Variants in CDC14B observed in about 807,000 individuals in gnomAD.
The protein encoded by CDC14B is cell division cycle 14B, also known as dual specificity protein phosphatase CDC14B.
A neutral mutation model predicts 64.2 loss-of-function variants in CDC14B; 22 were observed. The ratio of observed to expected loss-of-function variants is 0.34; its 90% CI spans 0.24 to 0.49. The LOEUF (loss-of-function observed/expected upper bound fraction) is 0.49. Ranked by LOEUF, CDC14B falls within the 20% of genes least tolerant of loss-of-function variation. The pLI is 0.99. For missense variants in CDC14B, 498 were observed against 629.9 expected, an observed-to-expected ratio of 0.79 and a Z score of 2.24; for synonymous variants, 191 against 215.8, an observed-to-expected ratio of 0.89 and a Z score of 1.01.
At chr9:96,590,567 T>C (rs1052028220) in intron 1 of CDC14B, among the ~76,000 whole-genome samples, 5 of 152,088 alleles carry the variant, frequency 3.3e-5, no homozygotes, top group Non-Finnish European at 5.9e-5. Context: ...CTATTTTCCA[T>C]AGCAACTGCA....
At chr9:96,577,247 T>C (rs1438516652) in intron 1 of CDC14B, among the ~76,000 whole-genome samples, 2 of 129,058 alleles carry the variant, frequency 1.5e-5, no homozygotes, top group Admixed American at 7.4e-5. Flanking sequence ...CGAGACTCCA[T>C]CTCAAAAAAA....
chr9:96,611,140 T>C (rs1227323831), intron 1 of CDC14B, among the ~76,000 whole-genome samples: 5 of 66,594 alleles, frequency 7.5e-5, no homozygotes, highest in Admixed American at 5.0e-4. Context: ...TCATATAAAC[T>C]AGAGAGTCCA....
intron 1 of CDC14B, among the ~76,000 whole-genome samples, chr9:96,580,960 G>A (rs887878510): frequency 7.2e-5 from 11 of 152,092 alleles, no homozygotes; most frequent in South Asian, 2.1e-4. Context: ...AGCTCGGTGC[G>A]GTGGCTCATG....
intron 1 of CDC14B, among the ~76,000 whole-genome samples, chr9:96,575,811 A>T (rs537215882): frequency 6.6e-6 from 1 of 152,280 alleles, no homozygotes; most frequent in East Asian, 1.9e-4. Context: ...AAAGTGAGAT[A>T]CCATCTCTAT....
chr9:96,617,492 T>C lies in CDC14B; in HGVS notation c.160+1727A>G, dbSNP rs145381380. 3.9e-3 allele frequency among the ~76,000 whole-genome samples: 596 copies of C among 152,232 alleles called. 13 individuals carry two copies. The highest frequency in any genetic ancestry group is 1.2e-3 in the East Asian group (6 of 5,174). On this transcript the variant is annotated intron_variant, in intron 1 of 13. Coordinates refer to ENST00000375241, the MANE Select transcript of CDC14B (RefSeq NM_033331.4). ...TTTTATTCATAAAACCGTATGTACATTGGCCTAAGCAGTAATTAAAATCAA... is the reference window on the plus strand; with the variant it reads ...TTTTATTCATAAAACCGTATGTACACTGGCCTAAGCAGTAATTAAAATCAA...
intron 1 of CDC14B, chr9:96,567,033 C>A: frequency 7.7e-7 from 1 of 1,304,388 alleles, no homozygotes; most frequent in South Asian, 1.6e-5. Context: ...CGCGACGAGG[C>A]CGTGGGGACG....
chr9:96,528,494 T>G (rs1320047011), intron 9 of CDC14B, among the ~76,000 whole-genome samples: 1 of 151,694 alleles, frequency 6.6e-6, no homozygotes, highest in Non-Finnish European at 1.5e-5. Flanking sequence ...AGCACTCTAG[T>G]CTGGGAAACA....
Position 96,600,329 on chromosome 9 carries a change from G to T in CDC14B, c.160+18890C>A, listed in dbSNP as rs936570518. Among the ~76,000 whole-genome samples the T allele has an allele frequency of 2.6e-5, 4 of 151,834 alleles. No homozygotes were observed. The South Asian group carries it at 6.2e-4, about 24-fold the overall frequency. On this transcript the variant is annotated intron_variant, in intron 1 of 13. Transcript: ENST00000375241. ...ATTAAAATCTGTGAGGGATAGCAGG[G>T]GTAAGAAGAACTGGACAGATGAGGG...
intron 1 of CDC14B, among the ~76,000 whole-genome samples, chr9:96,604,674 G>T (rs1846757248): frequency 6.6e-6 from 1 of 150,626 alleles, no homozygotes; most frequent in East Asian, 2.0e-4. Flanking sequence ...TTTGCGGGGG[G>T]CGGGGCAGGA....
chr9:96,618,539 T>C (rs765674858), intron 1 of CDC14B: 4 of 533,506 alleles, frequency 7.5e-6, no homozygotes, highest in South Asian at 5.6e-5. Context: ...AACCCGGACA[T>C]TCGTCTTGCC....
intron 1 of CDC14B, among the ~76,000 whole-genome samples, chr9:96,574,061 G>A (rs1181902685): frequency 6.6e-6 from 1 of 151,980 alleles, no homozygotes; most frequent in Admixed American, 6.6e-5. Context: ...GCAGGAAAAT[G>A]GTGTGAACCC....
chr9:96,505,771 C>T (rs1247354728), intron 13 of CDC14B, among the ~76,000 whole-genome samples: 2 of 152,214 alleles, frequency 1.3e-5, no homozygotes, highest in Non-Finnish European at 2.9e-5. Flanking sequence ...GAGGGCCACA[C>T]AGGCTGCCTG....
intron 1 of CDC14B, among the ~76,000 whole-genome samples, chr9:96,602,960 T>C (rs1352218161): frequency 1.3e-5 from 2 of 151,880 alleles, no homozygotes; most frequent in Non-Finnish European, 2.9e-5. Context: ...TATCACCACA[T>C]CTCGACTTAG....
At chr9:96,611,188 T>G (rs1415950719) in intron 1 of CDC14B, among the ~76,000 whole-genome samples, 2 of 152,198 alleles carry the variant, frequency 1.3e-5, no homozygotes, top group Non-Finnish European at 2.9e-5. Flanking sequence ...ATCCTTGAGT[T>G]TAGGAAGGTT....
chr9:96,558,145 G>A (rs1184975916), intron 4 of CDC14B, among the ~76,000 whole-genome samples: 1 of 152,192 alleles, frequency 6.6e-6, no homozygotes, highest in African/African-American at 2.4e-5. Flanking sequence ...ATCAGAGGCT[G>A]GGAAGGGCGT....
chr9:96,496,410 C>T (rs1470904916), downstream of CDC14B: 1 of 477,140 alleles, frequency 2.1e-6, no homozygotes, highest in Admixed American at 2.2e-5. Flanking sequence ...ACCACCACCA[C>T]CACAGGGCCT....
At chr9:96,539,254 A>G in intron 6 of CDC14B, 114 bp from the exon 7 acceptor site, 1 of 706,252 alleles carries the variant, frequency 1.4e-6, no homozygotes, top group East Asian at 2.5e-5. Flanking sequence ...TGTCATGATC[A>G]GATTACTTTC....
intron 1 of CDC14B, among the ~76,000 whole-genome samples, chr9:96,568,593 G>T (rs552945862): frequency 9.5e-4 from 145 of 152,272 alleles, no homozygotes; most frequent in African/African-American, 3.4e-3. Flanking sequence ...CCAACAAATG[G>T]GAAGTTTGGG....
At position 96,509,671 on chromosome 9, in the gene CDC14B, A is replaced by G; in HGVS notation, c.1460+2T>C. ...TTCAGAAGAGTAGGATTCTTTTCTCACCTTTTAACACTGCTTTTCCTTGAA... is the reference window on the plus strand; with the variant it reads ...TTCAGAAGAGTAGGATTCTTTTCTCGCCTTTTAACACTGCTTTTCCTTGAA... On this transcript the variant is annotated splice_donor_variant, in intron 13 of 13. Coordinates refer to ENST00000375241, the MANE Select transcript of CDC14B (RefSeq NM_033331.4). LOFTEE classifies it high-confidence loss of function. 6.4e-7 allele frequency: 1 copy of G among 1,565,302 alleles called. No homozygotes were observed. Among genetic ancestry groups the G allele is most frequent in the Non-Finnish European group, 8.8e-7 (1 of 1,136,268 alleles).
Sources: allele counts gnomAD v4.1 joint callset (sites outside exome capture counted in the v4.1 genomes callset), GRCh38; gene constraint gnomAD v4.1.1; transcripts MANE v1.5; gene names NCBI Gene and HGNC (gene_info 2026-07-23, HGNC 2026-07-21).